Variants in SLC45A2 observed in about 807,000 individuals in gnomAD.
The protein encoded by SLC45A2 is solute carrier family 45 member 2, also known as membrane-associated transporter protein.
Under a neutral mutation model 45.5 loss-of-function variants are expected in SLC45A2, and 36 were observed. The observed-to-expected ratio is 0.79, with a 90% CI of 0.61 to 1.04. The LOEUF is 1.04. SLC45A2 is among the 50% of genes least tolerant of loss of function. SLC45A2 has a pLI of 0.00. For synonymous variants in SLC45A2, 306 were observed against 269.3 expected, an observed-to-expected ratio of 1.14 and a Z score of -1.33; for missense variants, 719 against 671.0, an observed-to-expected ratio of 1.07 and a Z score of -0.79.
chr5:33,944,971 C>A, intron 6 of SLC45A2, 99 bp from the exon 7 acceptor site: 1 of 1,118,854 alleles, frequency 8.9e-7, no homozygotes, highest in Non-Finnish European at 1.3e-6. Flanking sequence ...ATAGTAAATA[C>A]CTTTGGCTTC....
intron 3 of SLC45A2, among the ~76,000 whole-genome samples, chr5:33,955,629 A>G (rs1184483504): frequency 6.6e-6 from 1 of 152,114 alleles, no homozygotes; most frequent in East Asian, 1.9e-4. Context: ...TAGAACTCAA[A>G]TATATATGTT....
Position 33,951,662 on chromosome 5 carries a change from C to G in SLC45A2, c.1048G>C (p.Asp350His). ...GTGGAGTTGTGTGCACTATAGGGAT[C>G]CCCGCGGTACACAATCTGAAAGAGA... ...DFMGQIVYRGDPYSAHNSTEF... is the reference protein window; with the variant it reads ...DFMGQIVYRGHPYSAHNSTEF... Residue 350 changes from aspartate to histidine, a missense_variant, in exon 5 of 7, where the codon GAT becomes CAT. Physicochemically the swap from Asp to His is moderately conservative, Grantham distance 81. Coordinates refer to ENST00000296589, the MANE Select transcript of SLC45A2 (RefSeq NM_016180.5). The G allele has an allele frequency of 1.2e-6, 2 of 1,614,156 alleles. No homozygotes were observed. Among genetic ancestry groups the G allele is most frequent in the Non-Finnish European group, 1.7e-6 (2 of 1,180,030 alleles).
intron 6 of SLC45A2, chr5:33,946,418 A>G (rs1579531137): frequency 2.0e-6 from 2 of 985,548 alleles, no homozygotes; most frequent in South Asian, 4.7e-5. Context: ...TTATCTCTGT[A>G]GCTTTTATAT....
At chr5:33,951,126 C>A (rs1752083816) in intron 5 of SLC45A2, among the ~76,000 whole-genome samples, 1 of 152,196 alleles carries the variant, frequency 6.6e-6, no homozygotes, top group Admixed American at 6.5e-5. Flanking sequence ...GAGCTAAGGT[C>A]ATTTTGCATG....
chr5:33,960,049 G>A (rs933565212), intron 3 of SLC45A2, among the ~76,000 whole-genome samples: 10 of 151,862 alleles, frequency 6.6e-5, no homozygotes, highest in African/African-American at 9.7e-5. Context: ...TTTGTAAACC[G>A]CTTAGCTAAA....
intron 5 of SLC45A2, among the ~76,000 whole-genome samples, chr5:33,948,661 G>A (rs930161018): frequency 2.6e-5 from 4 of 152,214 alleles, no homozygotes; most frequent in African/African-American, 9.6e-5. Flanking sequence ...GAGGACTGTT[G>A]TTAAGGTTGA....
At chr5:33,961,237 A>G (rs1290072346) in intron 3 of SLC45A2, among the ~76,000 whole-genome samples, 1 of 152,168 alleles carries the variant, frequency 6.6e-6, no homozygotes, top group African/African-American at 2.4e-5. Flanking sequence ...CTGGATTAAT[A>G]TCAAAAACAA....
At position 33,963,761 on chromosome 5, in the gene SLC45A2, T is replaced by C; in HGVS notation, c.818A>G (p.Lys273Arg). 6.2e-7 allele frequency: 1 copy of C among 1,614,178 alleles called. No homozygotes were observed. The highest frequency in any genetic ancestry group is 8.5e-7 in the Non-Finnish European group (1 of 1,180,026). ...TGGATTTACGTAACCATTTTTAACTTTCTCGATAGAACCATACTCGTACAT... is the reference window on the plus strand; with the variant it reads ...TGGATTTACGTAACCATTTTTAACTCTCTCGATAGAACCATACTCGTACAT... The part of the protein sequence containing the change: ...DGMYEYGSIE[K>R]VKNGYVNPEL... The change falls in exon 3 of 7, where the codon AAA (lysine) becomes AGA (arginine). Residue 273 changes from lysine to arginine, a missense_variant. Coordinates refer to ENST00000296589, the MANE Select transcript of SLC45A2 (RefSeq NM_016180.5).
In SLC45A2 at chr5:33,984,128, ACAT is replaced by A. The variant is rs1753164271; in HGVS notation, c.385+68_385+70del. 8 of 1,598,712 alleles carry A rather than the reference ACAT, an allele frequency of 5.0e-6. No individual in the cohort carries two copies. In the East Asian group the frequency reaches 1.8e-4, roughly 36 times the overall value. On this transcript the variant is annotated intron_variant, in intron 1 of 6. Transcript: ENST00000296589. ...TTTCTAGGAAAGGTCAAACACATGA[ACAT>A]CCTCCTCCTGCAGAGGTACACACTA...
At chr5:33,984,090 C>A in intron 1 of SLC45A2, 109 bp downstream of exon 1, 2 of 1,508,404 alleles carry the variant, frequency 1.3e-6, no homozygotes, top group Middle Eastern at 3.4e-4. Context: ...TAGGAGAGAT[C>A]AATTCTAACA....
rs977918278 is a variant in SLC45A2, at chr5:33,950,221, G to T, written c.1156+1333C>A. Among the ~76,000 whole-genome samples the T allele has an allele frequency of 4.6e-5, 7 of 152,056 alleles. No individual in the cohort carries two copies. In the South Asian group the frequency reaches 1.2e-3, roughly 27 times the overall value. ...AGAAGAAAAACAAAAAAAAGCATGA[G>T]GGTAGTGGTAAATAGTCCCCTCAGC... On this transcript the variant is annotated intron_variant, in intron 5 of 6. Coordinates refer to ENST00000296589, the MANE Select transcript of SLC45A2 (RefSeq NM_016180.5).
At chr5:33,968,718 CAA>C (rs1752680549) in intron 2 of SLC45A2, among the ~76,000 whole-genome samples, 1 of 152,194 alleles carries the variant, frequency 6.6e-6, no homozygotes, top group African/African-American at 2.4e-5. Flanking sequence ...AAAGGAAACT[CAA>C]GAGAGTCCAT....
At chr5:33,950,573 AGGGAAG>A (rs996562283) in intron 5 of SLC45A2, among the ~76,000 whole-genome samples, 1 of 152,152 alleles carries the variant, frequency 6.6e-6, no homozygotes, top group Admixed American at 6.5e-5. Context: ...GGCTAGGTAA[AGGGAAG>A]GGGAAGGGGC....
chr5:33,948,702 G>A (rs1183995404), intron 5 of SLC45A2, among the ~76,000 whole-genome samples: 1 of 152,172 alleles, frequency 6.6e-6, no homozygotes, highest in African/African-American at 2.4e-5. Flanking sequence ...AGCTAGAACA[G>A]TTTCTGCTTG....
intron 2 of SLC45A2, among the ~76,000 whole-genome samples, chr5:33,968,304 A>C: frequency 6.6e-6 from 1 of 152,154 alleles, no homozygotes; most frequent in Non-Finnish European, 1.5e-5. Context: ...TTACCATTTT[A>C]CCACCTCCCA....
At chr5:33,980,106 A>C (rs1385146173) in intron 2 of SLC45A2, among the ~76,000 whole-genome samples, 1 of 152,200 alleles carries the variant, frequency 6.6e-6, no homozygotes, top group Non-Finnish European at 1.5e-5. Context: ...AAATTATAAT[A>C]AAACAGAAGG....
rs11272324 is a variant in SLC45A2, at chr5:33,969,044, A to ACTCTCTCTCT, written c.563-5038_563-5029dup. Reference sequence around the variant, plus strand: ...TGGACAGTTAACATAAGTACCAGCTACTCTCTCTCTCTCTCTCTCTCTGTG... The same window carrying ACTCTCTCTCT: ...TGGACAGTTAACATAAGTACCAGCTACTCTCTCTCTCTCTCTCTCTCTCTCTCTCTCTGTG... On this transcript the variant is annotated intron_variant, in intron 2 of 6. Coordinates refer to ENST00000296589, the MANE Select transcript of SLC45A2 (RefSeq NM_016180.5). 7.5e-3 allele frequency among the ~76,000 whole-genome samples: 674 copies of ACTCTCTCTCT among 90,396 alleles called. 6 individuals are homozygous for ACTCTCTCTCT. Among genetic ancestry groups the ACTCTCTCTCT allele is most frequent in the Non-Finnish European group, 0.01 (434 of 42,736 alleles). The allele number at this position is 90,396 out of a possible 152,430, so 59.3% of individuals were successfully genotyped here.
At chr5:33,971,023 G>T in intron 2 of SLC45A2, 8 of 498,714 alleles carry the variant, frequency 1.6e-5, no homozygotes, top group South Asian at 1.2e-4. Context: ...AAAGTGTTGG[G>T]CAGATTGTGA....
chr5:33,955,408 C>A (rs1463156319), intron 3 of SLC45A2, among the ~76,000 whole-genome samples: 1 of 152,158 alleles, frequency 6.6e-6, no homozygotes, highest in Non-Finnish European at 1.5e-5. Flanking sequence ...CTTACCCAGG[C>A]TTCTGATCTA....
Sources: allele counts gnomAD v4.1 joint callset (sites outside exome capture counted in the v4.1 genomes callset), GRCh38; gene constraint gnomAD v4.1.1; transcripts MANE v1.5; gene names NCBI Gene and HGNC (gene_info 2026-07-23, HGNC 2026-07-21).